LRP1B: variants seen among roughly 807,000 people sequenced by gnomAD.
LRP1B encodes the protein low-density lipoprotein receptor-related protein 1B.
In LRP1B, 217 loss-of-function variants were observed where a neutral mutation model predicts 556.6. The observed-to-expected ratio is 0.39, with a 90% CI of 0.35 to 0.44. The LOEUF is 0.44. Among genes scored for constraint, LRP1B ranks in the 20% least tolerant of loss-of-function variants. LRP1B has a pLI of 1.00. For synonymous variants in LRP1B, 2,047 were observed against 1,865.8 expected (o/e 1.10, Z -2.50); for missense variants, 5,053 against 5,620.8 (o/e 0.90, Z 3.23).
At chr2:141,109,695 A>G (rs1248077722) in intron 7 of LRP1B, among the ~76,000 whole-genome samples, 1 of 152,098 alleles carries the variant, frequency 6.6e-6, no homozygotes, top group Non-Finnish European at 1.5e-5. Context: ...TTTGGAGGAT[A>G]AGATCAAAAG....
intron 1 of LRP1B, among the ~76,000 whole-genome samples, chr2:142,128,742 A>AT (rs1404634316): frequency 2.0e-5 from 3 of 152,154 alleles, no homozygotes; most frequent in East Asian, 3.9e-4. Context: ...ACACTATTTC[A>AT]TTTTTTAGAA....
intron 25 of LRP1B, among the ~76,000 whole-genome samples, chr2:140,876,525 G>T (rs538685054): frequency 6.6e-6 from 1 of 152,254 alleles, no homozygotes; most frequent in African/African-American, 2.4e-5. Context: ...CTTGACTTAT[G>T]AAGTCAATAA....
intron 2 of LRP1B, among the ~76,000 whole-genome samples, chr2:141,754,998 T>TTA (rs368911650): frequency 5.1e-4 from 77 of 151,962 alleles, no homozygotes; most frequent in Non-Finnish European, 8.1e-4. Flanking sequence ...TGCTATCCTC[T>TTA]TATATATATA....
intron 77 of LRP1B, among the ~76,000 whole-genome samples, chr2:140,348,186 A>G (rs1224566806): frequency 6.6e-6 from 1 of 152,092 alleles, no homozygotes; most frequent in East Asian, 1.9e-4. Flanking sequence ...CAGAGATGTG[A>G]TATGCCTTTC....
rs1281798962 is a variant in LRP1B at position 140,444,585 on chromosome 2, G to A, written c.10152C>T (p.Asp3384=). The A allele has an allele frequency of 6.2e-7, 1 of 1,613,830 alleles. No individual in the cohort carries two copies. Among genetic ancestry groups the A allele is most frequent in the Non-Finnish European group, 8.5e-7 (1 of 1,179,816 alleles). ...FICDGENDCG[D]NSDELNCDTH... The stretch of plus-strand genomic sequence containing the variant: ...TACCACAGTTGAGTTCATCAGAATT[G>A]TCTCCACAATCATTCTCTCCATCAC... Residue 3384 remains aspartate (D), a synonymous_variant, in exon 64 of 91, where the codon GAC becomes GAT. Coordinates refer to ENST00000389484, the MANE Select transcript of LRP1B (RefSeq NM_018557.3).
intron 2 of LRP1B, among the ~76,000 whole-genome samples, chr2:141,729,720 G>T (rs1693194753): frequency 6.6e-6 from 1 of 152,232 alleles, no homozygotes. Flanking sequence ...TTCCTAAAAT[G>T]GATTTACATT....
intron 7 of LRP1B, among the ~76,000 whole-genome samples, chr2:141,091,846 C>A (rs904415557): frequency 6.6e-6 from 1 of 152,164 alleles, no homozygotes; most frequent in African/African-American, 2.4e-5. Context: ...TGTTGTTGGG[C>A]TCTGTGGTGG....
chr2:141,557,748 G>T (rs902690039), intron 2 of LRP1B, among the ~76,000 whole-genome samples: 5 of 151,870 alleles, frequency 3.3e-5, no homozygotes, highest in African/African-American at 1.2e-4. Flanking sequence ...CTAGACTCTA[G>T]ACTAAGAGTG....
intron 11 of LRP1B, among the ~76,000 whole-genome samples, chr2:141,028,010 T>A (rs1348659659): frequency 6.6e-6 from 1 of 152,128 alleles, no homozygotes; most frequent in Admixed American, 6.6e-5. Context: ...CAGTCTATGG[T>A]ACTTTTTTAT....
At chr2:140,569,129 A>G (rs1681229846) in intron 43 of LRP1B, among the ~76,000 whole-genome samples, 1 of 152,056 alleles carries the variant, frequency 6.6e-6, no homozygotes, top group Non-Finnish European at 1.5e-5. Context: ...CAAAAAAACC[A>G]CAATGATAAA....
chr2:141,885,226 G>C (rs1018271297), intron 1 of LRP1B, among the ~76,000 whole-genome samples: 1 of 152,130 alleles, frequency 6.6e-6, no homozygotes, highest in African/African-American at 2.4e-5. Context: ...AAAGAGAGTA[G>C]ATAACAGAAA....
chr2:141,463,572 T>TTATATAATA (rs1682012635), intron 3 of LRP1B, among the ~76,000 whole-genome samples: 1 of 92,462 alleles, frequency 1.1e-5, no homozygotes, highest in Non-Finnish European at 2.0e-5. Flanking sequence ...ATATTATATA[T>TTATATAATA]TATATATAAT....
At chr2:140,363,583 A>G (rs1171768008) in intron 72 of LRP1B, among the ~76,000 whole-genome samples, 1 of 151,632 alleles carries the variant, frequency 6.6e-6, no homozygotes. Flanking sequence ...GTGATTACCC[A>G]GAGTTTATTT....
chr2:140,884,754 C>T (rs1693583356), intron 24 of LRP1B, among the ~76,000 whole-genome samples: 1 of 152,078 alleles, frequency 6.6e-6, no homozygotes, highest in South Asian at 2.1e-4. Context: ...TTTGGTTTGC[C>T]CAGGCTGGAA....
chr2:140,428,060 A>G (rs1685739735), intron 66 of LRP1B, among the ~76,000 whole-genome samples: 1 of 152,156 alleles, frequency 6.6e-6, no homozygotes, highest in African/African-American at 2.4e-5. Flanking sequence ...AATCCAGCCC[A>G]ATTCATGGCT....
intron 20 of LRP1B, among the ~76,000 whole-genome samples, chr2:140,946,354 C>T (rs919022342): frequency 6.6e-6 from 1 of 152,126 alleles, no homozygotes; most frequent in Non-Finnish European, 1.5e-5. Flanking sequence ...AATCTCAGCA[C>T]TTTGAGAGGC....
chr2:140,527,611 G>T lies in LRP1B; in HGVS notation c.7763-1261C>A, dbSNP rs1690491758. ...ATTGCTTCACTTTTTTATTAAAAAT[G>T]ATAACACAACATGTGAAACAGATAA... On this transcript the variant is annotated intron_variant, in intron 47 of 90. Transcript: ENST00000389484. Among the ~76,000 whole-genome samples the T allele has an allele frequency of 2.6e-5, 4 of 151,792 alleles. No individual in the cohort carries two copies. In the South Asian group the frequency reaches 8.3e-4, roughly 32 times the overall value.
At chr2:142,054,644 G>A (rs1024021542) in intron 1 of LRP1B, among the ~76,000 whole-genome samples, 1 of 152,052 alleles carries the variant, frequency 6.6e-6, no homozygotes, top group Non-Finnish European at 1.5e-5. Context: ...ATAAGTAATT[G>A]TTGGATTCCT....
intron 43 of LRP1B, among the ~76,000 whole-genome samples, chr2:140,542,451 A>G (rs916493874): frequency 6.6e-6 from 1 of 152,130 alleles, no homozygotes; most frequent in Non-Finnish European, 1.5e-5. Context: ...CACATGTCTG[A>G]GAATAAAAGT....
Sources: gnomAD v4.1 joint callset for allele counts (sites outside exome capture counted in the v4.1 genomes callset) on GRCh38, gnomAD v4.1.1 for gene constraint, MANE v1.5 for transcripts, NCBI Gene and HGNC (gene_info 2026-07-23, HGNC 2026-07-21) for gene names.